RANBP2: variants seen among roughly 807,000 people sequenced by gnomAD.
The protein encoded by RANBP2 is RAN binding protein 2.
Under a neutral mutation model 303.6 loss-of-function variants are expected in RANBP2, and 57 were observed. The observed-to-expected ratio is 0.19, with a 90% CI of 0.15 to 0.23. RANBP2 has a LOEUF of 0.23. Ranked by LOEUF, RANBP2 falls within the 10% of genes least tolerant of loss-of-function variation. The pLI is 1.00. For synonymous variants in RANBP2, 1,167 were observed against 1,301.5 expected (o/e 0.90, Z 2.23); for missense variants, 3,138 against 3,780.8 (o/e 0.83, Z 4.46).
rs771511248 is a variant in RANBP2 at position 108,751,652 on chromosome 2, G to A, written c.1580G>A (p.Arg527Lys). 1.2e-6 allele frequency: 2 copies of A among 1,611,326 alleles called. No individual in the cohort carries two copies. The highest frequency in any genetic ancestry group is 2.7e-5 in the African/African-American group (2 of 74,710). Residue 527 changes from arginine to lysine, a missense_variant, in exon 11 of 29, where the codon AGA (arginine) becomes AAA (lysine). Coordinates refer to ENST00000283195, the MANE Select transcript of RANBP2 (RefSeq NM_006267.5). Reference sequence around the variant, plus strand: ...GTGTGTAAACAGCTTTGTACAGAAAGACAAAAATCTTGGTGGGATGCGGTT... The same window carrying A: ...GTGTGTAAACAGCTTTGTACAGAAAAACAAAAATCTTGGTGGGATGCGGTT... The part of the protein sequence containing the change: ...LPVCKQLCTE[R>K]QKSWWDAVCT...
chr2:108,882,025 G>T, the RANBP2 span, among the ~76,000 whole-genome samples: 1 of 151,992 alleles, frequency 6.6e-6, no homozygotes, highest in African/African-American at 2.4e-5. Flanking sequence ...ATAGTGGCAG[G>T]CGCTTGTAGT....
chr2:108,743,202 G>A (rs1051082010), intron 7 of RANBP2, among the ~76,000 whole-genome samples: 3 of 152,160 alleles, frequency 2.0e-5, no homozygotes, highest in African/African-American at 4.8e-5. Context: ...TCACTGTAAC[G>A]TTGAACTGGG....
chr2:108,884,429 T>A, the RANBP2 span: 1 of 152,194 alleles, frequency 6.6e-6, no homozygotes, highest in Non-Finnish European at 1.5e-5. Flanking sequence ...GGAGCATCCT[T>A]TGTGAGAAAA....
chr2:108,917,899 G>A, the RANBP2 span, among the ~76,000 whole-genome samples: 1 of 152,156 alleles, frequency 6.6e-6, no homozygotes, highest in Non-Finnish European at 1.5e-5. Context: ...TCAGCCCTGG[G>A]TGGGTCTGCT....
At chr2:108,900,695 C>T in the RANBP2 span, among the ~76,000 whole-genome samples, 4 of 151,956 alleles carry the variant, frequency 2.6e-5, no homozygotes, top group East Asian at 1.9e-4. Context: ...ATGAGAGAGG[C>T]GTTGGAAGTA....
At chr2:109,121,537 C>T in the RANBP2 span, among the ~76,000 whole-genome samples, 1 of 152,186 alleles carries the variant, frequency 6.6e-6, no homozygotes, top group Non-Finnish European at 1.5e-5. Flanking sequence ...GGAATGGCAA[C>T]ATTTGTGTAG....
the RANBP2 span, chr2:109,419,580 A>C: frequency 3.1e-6 from 5 of 1,598,766 alleles, no homozygotes; most frequent in Non-Finnish European, 4.3e-6. Context: ...CGGCTGTCCC[A>C]CGGGCTGCCT....
the RANBP2 span, among the ~76,000 whole-genome samples, chr2:109,466,119 G>A: frequency 8.4e-6 from 1 of 118,622 alleles, no homozygotes; most frequent in African/African-American, 3.2e-5. Flanking sequence ...TCGCTCCGTC[G>A]CCCAGGCTGG....
At chr2:109,184,395 C>T in the RANBP2 span, among the ~76,000 whole-genome samples, 2 of 152,222 alleles carry the variant, frequency 1.3e-5, no homozygotes, top group African/African-American at 2.4e-5. Flanking sequence ...GGCAGCTTTT[C>T]AGGTGATGAA....
chr2:108,812,987 CACCTGTAATCCCAG>C, the RANBP2 span: 12 of 1,387,980 alleles, frequency 8.6e-6, no homozygotes, highest in Non-Finnish European at 1.2e-5. Context: ...CGGTGGCTCA[CACCTGTAATCCCAG>C]CACTTTGGGA....
the RANBP2 span, among the ~76,000 whole-genome samples, chr2:109,627,045 G>C: frequency 6.6e-6 from 1 of 152,086 alleles, no homozygotes. Context: ...GCACACACCT[G>C]TAATCCAAGC....
At chr2:108,793,724 G>A in the RANBP2 span, among the ~76,000 whole-genome samples, 2 of 151,782 alleles carry the variant, frequency 1.3e-5, no homozygotes, top group Non-Finnish European at 2.9e-5. Context: ...AGCCTCCCGA[G>A]TAGCTGGGAC....
At chr2:109,171,002 G>A in the RANBP2 span, among the ~76,000 whole-genome samples, 2 of 152,292 alleles carry the variant, frequency 1.3e-5, no homozygotes, top group East Asian at 1.9e-4. Context: ...AACCAAGCCC[G>A]GGAGGCACAC....
chr2:109,216,896 C>G, the RANBP2 span, among the ~76,000 whole-genome samples: 3 of 152,216 alleles, frequency 2.0e-5, no homozygotes, highest in African/African-American at 7.2e-5. Flanking sequence ...CTTCAGAACT[C>G]TTTTCGTCTT....
chr2:109,743,872 G>A, the RANBP2 span, among the ~76,000 whole-genome samples: 2,559 of 93,340 alleles, frequency 0.027, 668 homozygotes, highest in African/African-American at 0.072. Context: ...GAGAACATGT[G>A]GCAGTAGATT....
the RANBP2 span, chr2:109,567,871 T>C: frequency 1.2e-6 from 2 of 1,613,988 alleles, no homozygotes. Flanking sequence ...AACTGGTATA[T>C]CTGGACGCCA....
At chr2:108,740,875 A>G (rs1307246024) in intron 7 of RANBP2, among the ~76,000 whole-genome samples, 194 bp downstream of exon 7, 2 of 151,256 alleles carry the variant, frequency 1.3e-5, no homozygotes, top group South Asian at 2.1e-4. Context: ...GGGATGTTGA[A>G]TGCACTCTTG....
chr2:109,534,749 C>T, the RANBP2 span, among the ~76,000 whole-genome samples: 1 of 149,992 alleles, frequency 6.7e-6, no homozygotes, highest in Non-Finnish European at 1.5e-5. Flanking sequence ...CACTGTACTC[C>T]ACAGAGTGAA....
the RANBP2 span, among the ~76,000 whole-genome samples, chr2:109,720,779 C>T: frequency 6.6e-6 from 1 of 152,192 alleles, no homozygotes; most frequent in African/African-American, 2.4e-5. Context: ...CTGATTTGCT[C>T]TTCTCCCCAG....
Sources: gnomAD v4.1 joint callset for allele counts (sites outside exome capture counted in the v4.1 genomes callset) on GRCh38, gnomAD v4.1.1 for gene constraint, MANE v1.5 for transcripts, NCBI Gene and HGNC (gene_info 2026-07-23, HGNC 2026-07-21) for gene names.